NF2: variants seen among roughly 807,000 people sequenced by gnomAD.
NF2 encodes the protein merlin.
NF2 carries 8 observed loss-of-function variants against 83.7 expected under a neutral mutation model. That is an observed-to-expected ratio of 0.10 (90% CI 0.06 to 0.17). NF2 has a LOEUF of 0.17. NF2 is among the 10% of genes least tolerant of loss of function. The pLI is 1.00. For missense variants in NF2, 533 were observed against 744.4 expected (o/e 0.72, Z 3.31); for synonymous variants, 266 against 269.6 (o/e 0.99, Z 0.13).
chr22:29,649,112 A>G (rs529673860), intron 4 of NF2, among the ~76,000 whole-genome samples: 82 of 152,280 alleles, frequency 5.4e-4, no homozygotes, highest in Admixed American at 1.2e-3. Context: ...TGGGTTAAAG[A>G]ATAAGAACAT....
intron 1 of NF2, among the ~76,000 whole-genome samples, chr22:29,604,874 A>G (rs1031381155): frequency 1.3e-5 from 2 of 152,232 alleles, no homozygotes; most frequent in African/African-American, 4.8e-5. Context: ...GAGTTATTCA[A>G]CTCTTCAACT....
chr22:29,683,823 C>A, intron 15 of NF2: 1 of 1,059,782 alleles, frequency 9.4e-7, no homozygotes, highest in Non-Finnish European at 1.1e-6. Context: ...ATGTTTGCTG[C>A]TTTTCTCCTG....
At chr22:29,689,190 A>G (rs2067342179) in intron 15 of NF2, among the ~76,000 whole-genome samples, 1 of 151,816 alleles carries the variant, frequency 6.6e-6, no homozygotes, top group Non-Finnish European at 1.5e-5. Context: ...AAAAAAAAAA[A>G]AAAAAAAAAA....
Position 29,643,443 on chromosome 22 carries a change from CGCA to C in NF2, c.447+1161_447+1163del, listed in dbSNP as rs2065871434. On this transcript the variant is annotated intron_variant, in intron 4 of 15. Coordinates refer to ENST00000338641, the MANE Select transcript of NF2 (RefSeq NM_000268.4). Reference sequence around the variant, plus strand: ...CTAGGCAGAGGACCCTGCGGACTTCCGCAGCGTTTGTGTCCCTGGGTACTTGAG... The same window carrying C: ...CTAGGCAGAGGACCCTGCGGACTTCCGCGTTTGTGTCCCTGGGTACTTGAG... Among the ~76,000 whole-genome samples the C allele has an allele frequency of 2.6e-5, 4 of 152,252 alleles. No homozygotes were observed. In the South Asian group the frequency reaches 8.3e-4, roughly 32 times the overall value.
At chr22:29,664,773 G>A (rs899504125) in intron 8 of NF2, among the ~76,000 whole-genome samples, 1 of 152,194 alleles carries the variant, frequency 6.6e-6, no homozygotes, top group Non-Finnish European at 1.5e-5. Flanking sequence ...TGCCTAAGAT[G>A]GTCTAGAGAG....
intron 10 of NF2, 80 bp downstream of exon 10, chr22:29,668,526 G>C: frequency 9.3e-7 from 1 of 1,069,898 alleles, no homozygotes. Flanking sequence ...GTCATGGGCT[G>C]GCAGGAGTCT....
At position 29,681,493 on chromosome 22, in the gene NF2, G is replaced by A; in HGVS notation, c.1629G>A (p.Lys543=). The A allele has an allele frequency of 1.2e-6, 2 of 1,614,154 alleles. 1 individual carries two copies. The highest frequency in any genetic ancestry group is 2.2e-5 in the South Asian group (2 of 91,078). The change falls in exon 15 of 16, where the codon AAG becomes AAA. Residue 543 remains lysine, a synonymous_variant. Transcript: ENST00000338641. ...KHLQEQLNEL[K]TEIEALKLKE... Reference sequence around the variant, plus strand: ...TGCAGGAGCAGCTCAATGAACTCAAGACAGAAATCGAGGCCTTGAAACTGA... The same window carrying A: ...TGCAGGAGCAGCTCAATGAACTCAAAACAGAAATCGAGGCCTTGAAACTGA...
intron 4 of NF2, among the ~76,000 whole-genome samples, chr22:29,652,663 A>G (rs1267808635): frequency 6.6e-6 from 1 of 152,188 alleles, no homozygotes; most frequent in Non-Finnish European, 1.5e-5. Flanking sequence ...GAGTCCTGCA[A>G]GATAAATACT....
chr22:29,604,762 G>T (rs2064742405), intron 1 of NF2, among the ~76,000 whole-genome samples: 1 of 152,164 alleles, frequency 6.6e-6, no homozygotes. Flanking sequence ...GTGGTTTGTG[G>T]ACCAGCAGCA....
chr22:29,609,383 G>A (rs1179723483), intron 1 of NF2: 5 of 572,736 alleles, frequency 8.7e-6, no homozygotes, highest in East Asian at 3.9e-5. Context: ...GTGTGCAGAG[G>A]CGAAGCTAAC....
chr22:29,652,804 C>T (rs1277588068), intron 4 of NF2, among the ~76,000 whole-genome samples: 1 of 152,244 alleles, frequency 6.6e-6, no homozygotes, highest in East Asian at 1.9e-4. Context: ...TACCCTCACT[C>T]TACAGCTGCC....
At chr22:29,629,750 T>A (rs894574629) in intron 1 of NF2, among the ~76,000 whole-genome samples, 2 of 152,230 alleles carry the variant, frequency 1.3e-5, no homozygotes, top group Non-Finnish European at 2.9e-5. Flanking sequence ...CGATTCTCTT[T>A]CATTTTCTGC....
chr22:29,686,004 G>A (rs551980490), intron 15 of NF2, among the ~76,000 whole-genome samples: 52 of 151,000 alleles, frequency 3.4e-4, no homozygotes, highest in Admixed American at 2.0e-3. Context: ...TGTGCACAAC[G>A]TGCAGGTTTG....
rs1335612753 is a variant in NF2 at position 29,673,482 on chromosome 22, A to C, written c.1336A>C (p.Arg446=). 6.2e-7 allele frequency: 1 copy of C among 1,607,104 alleles called. No individual in the cohort carries two copies. Among genetic ancestry groups the C allele is most frequent in the Non-Finnish European group, 8.5e-7 (1 of 1,177,984 alleles). Residue 446 remains arginine, a synonymous_variant, in exon 12 of 16, where the codon AGG becomes CGG. Transcript: ENST00000338641. ...ACTGAAGATGGCTGAGGAGTCAGAG[A>C]GGAGGTGAGGGGGCACCGGGCACCA... The part of the protein sequence containing the change: ...LALKMAEESE[R]RAKEADQLKQ...
intron 8 of NF2, among the ~76,000 whole-genome samples, chr22:29,662,116 CTTCA>C (rs1601625623): frequency 1.3e-5 from 2 of 152,084 alleles, no homozygotes; most frequent in Non-Finnish European, 2.9e-5. Flanking sequence ...TTCATTCATT[CTTCA>C]TTCATTTTAT....
At chr22:29,634,238 T>C (rs892390099) in intron 1 of NF2, among the ~76,000 whole-genome samples, 4 of 152,212 alleles carry the variant, frequency 2.6e-5, no homozygotes, top group Non-Finnish European at 5.9e-5. Flanking sequence ...CATTTCCAAC[T>C]CTTGACAGTC....
At chr22:29,622,506 A>G (rs573008546) in intron 1 of NF2, among the ~76,000 whole-genome samples, 1 of 152,252 alleles carries the variant, frequency 6.6e-6, no homozygotes. Context: ...CCACCTAGAT[A>G]GCAATTGGTA....
Position 29,673,254 on chromosome 22 carries a change from C to T in NF2, c.1123-15C>T, listed in dbSNP as rs2147082084. ...CACATGATCCCACTTCAGCTAAGAG[C>T]ACTGTGCCCTCCAGATGCGGTCTGA... On this transcript the variant is annotated splice_polypyrimidine_tract_variant and intron_variant, in intron 11 of 15. Transcript: ENST00000338641. 6.4e-7 allele frequency: 1 copy of T among 1,557,640 alleles called. No individual in the cohort carries two copies. Among genetic ancestry groups the T allele is most frequent in the Non-Finnish European group, 8.7e-7 (1 of 1,149,764 alleles).
At chr22:29,646,298 A>G (rs1357205379) in intron 4 of NF2, among the ~76,000 whole-genome samples, 1 of 152,230 alleles carries the variant, frequency 6.6e-6, no homozygotes, top group Non-Finnish European at 1.5e-5. Context: ...TTCAGGCCAA[A>G]TAGAATGAGT....
Sources: gnomAD v4.1 joint callset for allele counts (sites outside exome capture counted in the v4.1 genomes callset) on GRCh38, gnomAD v4.1.1 for gene constraint, MANE v1.5 for transcripts, NCBI Gene and HGNC (gene_info 2026-07-23, HGNC 2026-07-21) for gene names.